The following CPNE4 variants were observed in gnomAD, a reference collection of about 807,000 sequenced individuals.
CPNE4 encodes copine 4, also known as copine-4.
In CPNE4, 25 loss-of-function variants were observed where a neutral mutation model predicts 67.9. The ratio of observed to expected loss-of-function variants is 0.37; its 90% CI spans 0.27 to 0.51. The LOEUF (loss-of-function observed/expected upper bound fraction) is 0.51. CPNE4 is among the 20% of genes least tolerant of loss of function. The probability of loss-of-function intolerance (pLI) is 0.93; values close to 1 mark genes in which losing one functional copy is unlikely to be tolerated. For missense variants in CPNE4, 464 were observed against 690.8 expected (o/e 0.67, Z 3.68); for synonymous variants, 242 against 244.9 (o/e 0.99, Z 0.11).
At chr3:131,544,975 T>C (rs1354250737) in intron 14 of CPNE4, among the ~76,000 whole-genome samples, 7 of 152,190 alleles carry the variant, frequency 4.6e-5, no homozygotes, top group Non-Finnish European at 8.8e-5. Flanking sequence ...TACTACCACA[T>C]TGAGAAACTT....
At chr3:131,679,830 G>A (rs1005312772) in intron 6 of CPNE4, among the ~76,000 whole-genome samples, 3 of 152,128 alleles carry the variant, frequency 2.0e-5, no homozygotes, top group South Asian at 2.1e-4. Flanking sequence ...ATTTGCTGAC[G>A]AGTATTTTGC....
At chr3:131,582,151 G>C (rs774379577) in intron 8 of CPNE4, among the ~76,000 whole-genome samples, 1 of 152,152 alleles carries the variant, frequency 6.6e-6, no homozygotes, top group Admixed American at 6.5e-5. Context: ...TGACTCAAAA[G>C]GTTAGGAATA....
intron 2 of CPNE4, among the ~76,000 whole-genome samples, chr3:131,844,297 G>A (rs1038070341): frequency 3.5e-5 from 5 of 144,100 alleles, no homozygotes; most frequent in Non-Finnish European, 6.0e-5. Flanking sequence ...GTCTCGCTCC[G>A]TCACCCAGGC....
chr3:131,711,229 A>G (rs2081549535), intron 3 of CPNE4, among the ~76,000 whole-genome samples: 1 of 152,168 alleles, frequency 6.6e-6, no homozygotes, highest in Non-Finnish European at 1.5e-5. Flanking sequence ...CCCCTTAAAG[A>G]GTATTTAAGC....
rs369419763 is a variant in CPNE4 at position 131,952,200 on chromosome 3, C to T, written c.-1-46756G>A. Among the ~76,000 whole-genome samples the T allele has an allele frequency of 4.0e-5, 6 of 150,182 alleles. 1 individual carries two copies. The highest frequency in any genetic ancestry group is 2.1e-4 in the South Asian group (1 of 4,704). ...CGCCCATCGTCTGAGATGTGGGGAG[C>T]GCCTCTGCCCCGCCGCCCCGTCTGG... On this transcript the variant is annotated intron_variant, in intron 1 of 15. Transcript: ENST00000429747.
At chr3:131,881,934 A>G (rs1285807170) in intron 2 of CPNE4, among the ~76,000 whole-genome samples, 2 of 152,182 alleles carry the variant, frequency 1.3e-5, no homozygotes, top group African/African-American at 2.4e-5. Context: ...AGATTTCTCC[A>G]TGGAGCTGTC....
At chr3:131,591,281 C>A (rs542189186) in intron 7 of CPNE4, among the ~76,000 whole-genome samples, 1 of 152,090 alleles carries the variant, frequency 6.6e-6, no homozygotes, top group Non-Finnish European at 1.5e-5. Flanking sequence ...TAGTCTTTTA[C>A]CTTTGGAAGG....
At chr3:131,948,382 T>A (rs1013502560) in intron 1 of CPNE4, among the ~76,000 whole-genome samples, 5 of 152,178 alleles carry the variant, frequency 3.3e-5, no homozygotes, top group African/African-American at 1.2e-4. Flanking sequence ...CTGCTTCCCC[T>A]TTGCCTTCAG....
intron 1 of CPNE4, among the ~76,000 whole-genome samples, chr3:131,972,277 A>T: frequency 6.6e-6 from 1 of 152,196 alleles, no homozygotes; most frequent in East Asian, 1.9e-4. Context: ...CAACAAGTAC[A>T]TACTTCTGTA....
intron 1 of CPNE4, among the ~76,000 whole-genome samples, chr3:132,029,514 C>T (rs796687457): frequency 1.3e-5 from 2 of 152,246 alleles, no homozygotes; most frequent in African/African-American, 4.8e-5. Context: ...CTCTCTAGTC[C>T]GTCCTTCTAG....
chr3:131,880,885 T>C (rs2087648932), intron 2 of CPNE4, among the ~76,000 whole-genome samples: 1 of 152,196 alleles, frequency 6.6e-6, no homozygotes, highest in African/African-American at 2.4e-5. Context: ...AGCCAACAAG[T>C]TGGCCCATTG....
intron 2 of CPNE4, among the ~76,000 whole-genome samples, chr3:131,725,097 A>G (rs1213750915): frequency 6.6e-6 from 1 of 152,248 alleles, no homozygotes; most frequent in Admixed American, 6.5e-5. Context: ...AGCACAAACT[A>G]TGAAAAGCAT....
intron 2 of CPNE4, among the ~76,000 whole-genome samples, chr3:131,780,196 T>C (rs1459580414): frequency 6.6e-6 from 1 of 152,046 alleles, no homozygotes; most frequent in Non-Finnish European, 1.5e-5. Context: ...GCTGGCAAGG[T>C]TGTAGAAGAA....
At chr3:131,925,866 A>G (rs1223519839) in intron 1 of CPNE4, among the ~76,000 whole-genome samples, 1 of 152,116 alleles carries the variant, frequency 6.6e-6, no homozygotes, top group Non-Finnish European at 1.5e-5. Context: ...TAGTCACCAT[A>G]TTATCCTGCA....
rs540260499 is a variant in CPNE4, at chr3:131,796,873, T to C, written c.181-73248A>G. ...CTTTGTGGTTAGAATAATACACACA[T>C]AGTCTTTTCATCTAATGACGTTGGC... On this transcript the variant is annotated intron_variant, in intron 2 of 15. Coordinates refer to ENST00000429747, the MANE Select transcript of CPNE4 (RefSeq NM_130808.3). Among the ~76,000 whole-genome samples the C allele has an allele frequency of 1.8e-4, 28 of 152,328 alleles. No homozygotes were observed. In the South Asian group the frequency reaches 3.5e-3, roughly 19 times the overall value.
In CPNE4 at chr3:131,873,541, G is replaced by A. The variant is rs562710899; in HGVS notation, c.180+31723C>T. 3.3e-5 allele frequency among the ~76,000 whole-genome samples: 5 copies of A among 152,314 alleles called. No individual in the cohort carries two copies. The South Asian group carries it at 1.0e-3, about 32-fold the overall frequency. Reference sequence around the variant, plus strand: ...CCACTCTGAGGCATCTGGTGTTCTTGAGACTTTATTTAGAGAAGATAAAAT... The same window carrying A: ...CCACTCTGAGGCATCTGGTGTTCTTAAGACTTTATTTAGAGAAGATAAAAT... On this transcript the variant is annotated intron_variant, in intron 2 of 15. Coordinates refer to ENST00000429747, the MANE Select transcript of CPNE4 (RefSeq NM_130808.3).
intron 9 of CPNE4, among the ~76,000 whole-genome samples, chr3:131,580,510 T>C (rs1478772049): frequency 6.6e-6 from 1 of 151,264 alleles, no homozygotes; most frequent in Admixed American, 6.6e-5. Context: ...ACACACAACA[T>C]GCACACACAA....
At chr3:131,938,979 T>C (rs151313438) in intron 1 of CPNE4, among the ~76,000 whole-genome samples, 131 of 152,264 alleles carry the variant, frequency 8.6e-4, no homozygotes, top group Middle Eastern at 6.8e-3. Flanking sequence ...AACTTGTCAA[T>C]ATAGCTTGCT....
chr3:131,883,390 T>G (rs1201570435), intron 2 of CPNE4, among the ~76,000 whole-genome samples: 1 of 152,192 alleles, frequency 6.6e-6, no homozygotes, highest in Non-Finnish European at 1.5e-5. Flanking sequence ...CTTTTACAAT[T>G]CAGCTCATTT....
Sources: allele counts gnomAD v4.1 joint callset (sites outside exome capture counted in the v4.1 genomes callset), GRCh38; gene constraint gnomAD v4.1.1; transcripts MANE v1.5; gene names NCBI Gene and HGNC (gene_info 2026-07-23, HGNC 2026-07-21).